SFSWAP: variants seen among roughly 807,000 people sequenced by gnomAD.
SFSWAP encodes splicing factor SWAP.
In SFSWAP, 17 loss-of-function variants were observed where a neutral mutation model predicts 100.7. The observed-to-expected ratio is 0.17, with a 90% CI of 0.12 to 0.25. The LOEUF is 0.25. SFSWAP is among the 10% of genes least tolerant of loss of function. The pLI is 1.00. For synonymous variants in SFSWAP, 504 were observed against 510.1 expected (o/e 0.99, Z 0.16); for missense variants, 1,005 against 1,262.6 (o/e 0.80, Z 3.09).
chr12:131,753,956 C>CG (rs1222707337), intron 8 of SFSWAP, among the ~76,000 whole-genome samples: 1 of 152,114 alleles, frequency 6.6e-6, no homozygotes, highest in African/African-American at 2.4e-5. Flanking sequence ...GAATGAAACA[C>CG]GCGAGTTTCT....
chr12:131,755,696 T>C (rs1231344723), intron 10 of SFSWAP, among the ~76,000 whole-genome samples: 2 of 152,238 alleles, frequency 1.3e-5, no homozygotes, highest in East Asian at 1.9e-4. Context: ...GCATTGATGA[T>C]TGTTTGTCCA....
rs1411232363 is a variant in SFSWAP at position 131,714,179 on chromosome 12, G to T, written c.327G>T (p.Leu109=). 3.1e-6 allele frequency: 5 copies of T among 1,614,022 alleles called. No homozygotes were observed. The East Asian group carries it at 1.1e-4, about 36-fold the overall frequency. The change falls in exon 2 of 18, where the codon CTG becomes CTT. Residue 109 remains leucine, a synonymous_variant. Coordinates refer to ENST00000261674, the MANE Select transcript of SFSWAP (RefSeq NM_004592.4). This position sits in a 1 kb window ranked among gnomAD's most constrained non-coding sequence, Gnocchi z 6.0. ...AAGAGGAGGCGCGAATAGAGGCCCT[G>T]TGTGATGAAGAGAGGTATTTAGCCT... The part of the protein sequence containing the change: ...LSEEEARIEA[L]CDEERYLALH...
At chr12:131,752,768 G>A (rs1881775817) in intron 7 of SFSWAP, among the ~76,000 whole-genome samples, 1 of 152,224 alleles carries the variant, frequency 6.6e-6, no homozygotes, top group South Asian at 2.1e-4. Context: ...GGCCGTGTGA[G>A]CAAAGGGATG....
chr12:131,755,312 G>A, intron 9 of SFSWAP, 74 bp from the exon 10 acceptor site: 1 of 1,014,798 alleles, frequency 9.9e-7, no homozygotes, highest in East Asian at 2.4e-5. Context: ...TAAAGAGCTA[G>A]GAGAACAGGG....
rs1479435160 is a variant in SFSWAP, at chr12:131,719,461, T to C, written c.528T>C (p.Asn176=). 2.5e-6 allele frequency: 4 copies of C among 1,613,874 alleles called. No homozygotes were observed. Among genetic ancestry groups the C allele is most frequent in the Non-Finnish European group, 3.4e-6 (4 of 1,179,938 alleles). ...EEEPSKQREK[N]EAENLEENEE... The stretch of plus-strand genomic sequence containing the variant: ...AATTTTCTTTTTATGCAGAAAAAAA[T>C]GAGGCCGAAAATTTAGAGGAAAATG... The change falls in exon 4 of 18, where the codon AAT becomes AAC. Residue 176 remains asparagine, a synonymous_variant. Coordinates refer to ENST00000261674, the MANE Select transcript of SFSWAP (RefSeq NM_004592.4).
At chr12:131,732,359 C>A (rs1593123781) in intron 7 of SFSWAP, among the ~76,000 whole-genome samples, 1 of 152,248 alleles carries the variant, frequency 6.6e-6, no homozygotes, top group Non-Finnish European at 1.5e-5. Flanking sequence ...CCCGAAGTTC[C>A]TTCTCAGACT....
In SFSWAP at chr12:131,714,401, C is replaced by G; in HGVS notation, c.388+161C>G. The G allele has an allele frequency of 1.6e-6, 1 of 619,044 alleles. No homozygotes were observed. The allele number at this position is 619,044 out of a possible 1,614,324, so 38.3% of individuals were successfully genotyped here. On this transcript the variant is annotated intron_variant, in intron 2 of 17. Transcript: ENST00000261674. The surrounding 1 kb of genome is among the most constrained non-coding windows in gnomAD (Gnocchi z 6.0). Reference sequence around the variant, plus strand: ...AGGAGTCTTTGCGTTCTGAGAGGACCTCAGGATAGTTTATATATAGAGCCA... The same window carrying G: ...AGGAGTCTTTGCGTTCTGAGAGGACGTCAGGATAGTTTATATATAGAGCCA...
chr12:131,727,031 C>T lies in SFSWAP; in HGVS notation c.924C>T (p.Asn308=), dbSNP rs370678712. The change falls in exon 6 of 18, where the codon AAC becomes AAT. Residue 308 remains asparagine (N), a synonymous_variant. Coordinates refer to ENST00000261674, the MANE Select transcript of SFSWAP (RefSeq NM_004592.4). ...HPSLFASKKC[N]RLEELMKPLK... is the part of the protein sequence containing the mutation. ...CTCTCTTTGCCTCCAAGAAGTGTAA[C>T]CGCCTTGAAGAGCTGATGAAGGTTT... The T allele has an allele frequency of 6.3e-7, 1 of 1,594,730 alleles. No individual in the cohort carries two copies. Among genetic ancestry groups the T allele is most frequent in the African/African-American group, 1.3e-5 (1 of 74,496 alleles).
chr12:131,741,289 T>G (rs918517267), intron 7 of SFSWAP, among the ~76,000 whole-genome samples: 1 of 152,168 alleles, frequency 6.6e-6, no homozygotes, highest in Non-Finnish European at 1.5e-5. Flanking sequence ...TCATACAATT[T>G]TGATGTCATA....
At chr12:131,760,110 A>G (rs946284823) in intron 11 of SFSWAP, among the ~76,000 whole-genome samples, 2 of 152,222 alleles carry the variant, frequency 1.3e-5, no homozygotes, top group Non-Finnish European at 2.9e-5. Flanking sequence ...ATAAAACTAG[A>G]AAAGTAGAAA....
intron 7 of SFSWAP, among the ~76,000 whole-genome samples, chr12:131,747,023 C>G (rs563526250): frequency 4.3e-4 from 64 of 149,004 alleles, no homozygotes; most frequent in East Asian, 3.3e-3. Context: ...AGAATGGCAT[C>G]AACCCGGGAG....
chr12:131,743,106 G>A (rs915983841), intron 7 of SFSWAP, among the ~76,000 whole-genome samples: 1 of 152,198 alleles, frequency 6.6e-6, no homozygotes, highest in Admixed American at 6.5e-5. Flanking sequence ...TGTGGGAATA[G>A]TGGTAGTTAT....
At chr12:131,747,103 C>CAAAAAA (rs398021689) in intron 7 of SFSWAP, among the ~76,000 whole-genome samples, 2 of 96,912 alleles carry the variant, frequency 2.1e-5, no homozygotes, top group Admixed American at 1.2e-4. Flanking sequence ...GACTCTGTCT[C>CAAAAAA]AAAAAAAAAA....
chr12:131,783,822 A>ATATAT (rs1491403303), intron 14 of SFSWAP: 13 of 125,280 alleles, frequency 1.0e-4, no homozygotes, highest in Non-Finnish European at 1.4e-4. Flanking sequence ...ATATATATAT[A>ATATAT]ATTCTTTGTA....
chr12:131,719,416 T>C (rs751736149), intron 3 of SFSWAP, 38 bp from the exon 4 acceptor site: 1 of 1,531,064 alleles, frequency 6.5e-7, no homozygotes, highest in South Asian at 1.1e-5. Flanking sequence ...CCTTCCTCCC[T>C]GCATTGTTCT....
Position 131,730,536 on chromosome 12 carries a change from C to T in SFSWAP, c.1081+2108C>T, listed in dbSNP as rs1212739412. On this transcript the variant is annotated intron_variant, in intron 7 of 17. Transcript: ENST00000261674. This position sits in a 1 kb window ranked among gnomAD's most constrained non-coding sequence, Gnocchi z 4.0. The stretch of plus-strand genomic sequence containing the variant: ...TCTGTGACACACAGCATCCCCTGGT[C>T]TGGTGGGAATGTGATCTGAACTGAG... Among the ~76,000 whole-genome samples the T allele has an allele frequency of 3.9e-5, 6 of 152,182 alleles. No individual in the cohort carries two copies. The highest frequency in any genetic ancestry group is 1.4e-4 in the African/African-American group (6 of 41,438).
rs943475575 is a variant in SFSWAP at position 131,726,272 on chromosome 12, C to T, written c.832+642C>T. 3.9e-5 allele frequency among the ~76,000 whole-genome samples: 6 copies of T among 151,938 alleles called. No homozygotes were observed. In the East Asian group the frequency reaches 9.6e-4, roughly 24 times the overall value. On this transcript the variant is annotated intron_variant, in intron 5 of 17. Transcript: ENST00000261674. Reference sequence around the variant, plus strand: ...AGGCTGGAGTGCAATGGCGTGAGCGCGATCTTGGCTTACTGCAACCTCCGC... The same window carrying T: ...AGGCTGGAGTGCAATGGCGTGAGCGTGATCTTGGCTTACTGCAACCTCCGC...
At chr12:131,790,524 G>A (rs1885168612) in intron 15 of SFSWAP, among the ~76,000 whole-genome samples, 1 of 152,172 alleles carries the variant, frequency 6.6e-6, no homozygotes, top group Admixed American at 6.6e-5. Flanking sequence ...TTTCAGCCAG[G>A]CACAATGGCG....
At position 131,725,048 on chromosome 12, in the gene SFSWAP, G is replaced by A. The variant is rs1481072098; in HGVS notation, c.607-357G>A. Among the ~76,000 whole-genome samples, 1 of 152,178 alleles carries A rather than the reference G, an allele frequency of 6.6e-6. No homozygotes were observed. Among genetic ancestry groups the A allele is most frequent in the Non-Finnish European group, 1.5e-5 (1 of 68,026 alleles). ...CCATGGAATGTATACCCTCTCCCTA[G>A]AAAAGTGCTTGTTTGTAAAATTCAC... On this transcript the variant is annotated intron_variant, in intron 4 of 17. Coordinates refer to ENST00000261674, the MANE Select transcript of SFSWAP (RefSeq NM_004592.4). The surrounding 1 kb of genome is among the most constrained non-coding windows in gnomAD (Gnocchi z 4.3).
Sources: gnomAD v4.1 joint callset for allele counts (sites outside exome capture counted in the v4.1 genomes callset) on GRCh38, gnomAD v4.1.1 for gene constraint, Gnocchi (gnomAD v3.1) non-coding constraint, MANE v1.5 for transcripts, NCBI Gene and HGNC (gene_info 2026-07-23, HGNC 2026-07-21) for gene names.